Variants in SUFU observed in about 807,000 individuals in gnomAD.
SUFU encodes the protein suppressor of fused homolog.
In SUFU, 7 loss-of-function variants were observed where a neutral mutation model predicts 58.9. The observed-to-expected ratio is 0.12, with a 90% CI of 0.07 to 0.22. The LOEUF is 0.22. Ranked by LOEUF, SUFU falls within the 10% of genes least tolerant of loss-of-function variation. The pLI, the probability that SUFU is intolerant of heterozygous loss-of-function variation, is 1.00. For synonymous variants in SUFU, 232 were observed against 254.8 expected, an observed-to-expected ratio of 0.91 and a Z score of 0.85; for missense variants, 451 against 641.3, an observed-to-expected ratio of 0.70 and a Z score of 3.20.
rs767998988 is a variant in SUFU, at chr10:102,510,690, G to A, written c.317+1387G>A. On this transcript the variant is annotated intron_variant, in intron 2 of 11. Transcript: ENST00000369902. ...TACAAAAAATTAGCCAGGCATGGTA[G>A]CATGTGCCTGTACTCCCAACTACCC... is the stretch of plus-strand genomic sequence containing the variant. Among the ~76,000 whole-genome samples, 77 of 152,148 alleles carry A rather than the reference G, an allele frequency of 5.1e-4. 2 individuals are homozygous for A. The highest frequency in any genetic ancestry group is 3.8e-4 in the Non-Finnish European group (26 of 67,992).
At chr10:102,524,244 G>A (rs974576397) in intron 2 of SUFU, among the ~76,000 whole-genome samples, 11 of 151,588 alleles carry the variant, frequency 7.3e-5, no homozygotes, top group South Asian at 4.2e-4. Context: ...GGACTCAAGC[G>A]ATCCTTCTGT....
intron 2 of SUFU, among the ~76,000 whole-genome samples, chr10:102,543,465 G>A (rs1015790605): frequency 9.2e-5 from 14 of 152,166 alleles, no homozygotes; most frequent in Admixed American, 9.2e-4. Context: ...CATTTAAAAT[G>A]TACGCTTTCA....
Position 102,592,605 on chromosome 10 carries a change from C to G in SUFU, c.478C>G (p.His160Asp). The change falls in exon 4 of 12, where the codon CAT becomes GAT. Residue 160 changes from histidine (H) to aspartate (D), a missense_variant. Physicochemically the swap from His to Asp is moderately conservative, Grantham distance 81 (BLOSUM62 -1). Coordinates refer to ENST00000369902, the MANE Select transcript of SUFU (RefSeq NM_016169.4). ...QSENTFCSGD[H>D]VSWHSPLDNS... is the part of the protein sequence containing the mutation. The stretch of plus-strand genomic sequence containing the variant: ...AGAGAACACCTTCTGCAGTGGGGAC[C>G]ATGTGTCCTGGCACAGCCCTTTGGA... The G allele has an allele frequency of 6.2e-7, 1 of 1,614,152 alleles. No homozygotes were observed. The highest frequency in any genetic ancestry group is 8.5e-7 in the Non-Finnish European group (1 of 1,180,028).
intron 8 of SUFU, among the ~76,000 whole-genome samples, chr10:102,604,119 A>G (rs967907144): frequency 1.3e-5 from 2 of 152,002 alleles, no homozygotes; most frequent in African/African-American, 4.8e-5. Flanking sequence ...CTTCCCTCAC[A>G]CTCCCACGCT....
At position 102,607,882 on chromosome 10, in the gene SUFU, G is replaced by A. The variant is rs1002105455; in HGVS notation, c.1023-7386G>A. Among the ~76,000 whole-genome samples, 6 of 151,766 alleles carry A rather than the reference G, an allele frequency of 4.0e-5. No individual in the cohort carries two copies. The East Asian group carries it at 1.2e-3, about 29-fold the overall frequency. On this transcript the variant is annotated intron_variant, in intron 8 of 11. Coordinates refer to ENST00000369902, the MANE Select transcript of SUFU (RefSeq NM_016169.4). Reference sequence around the variant, plus strand: ...GCCGAGATCTTGCCACTGCACTCCAGCCTGGGCGACAGAGCAAGATTCCAT... The same window carrying A: ...GCCGAGATCTTGCCACTGCACTCCAACCTGGGCGACAGAGCAAGATTCCAT...
intron 3 of SUFU, among the ~76,000 whole-genome samples, chr10:102,570,854 T>C (rs1005482019): frequency 6.6e-6 from 1 of 152,204 alleles, no homozygotes; most frequent in African/African-American, 2.4e-5. Context: ...CCTTCTGTCT[T>C]CATTTCTTTT....
intron 3 of SUFU, among the ~76,000 whole-genome samples, chr10:102,577,003 A>G (rs2063218254): frequency 6.6e-6 from 1 of 151,942 alleles, no homozygotes. Context: ...ACCCAGTCTA[A>G]ATGGGTTTTC....
At chr10:102,574,163 G>A (rs1476225601) in intron 3 of SUFU, among the ~76,000 whole-genome samples, 1 of 152,104 alleles carries the variant, frequency 6.6e-6, no homozygotes, top group Non-Finnish European at 1.5e-5. Flanking sequence ...GGGGACCATG[G>A]GGGCACCTTA....
chr10:102,563,662 C>T (rs2063060934), intron 3 of SUFU, among the ~76,000 whole-genome samples: 1 of 151,664 alleles, frequency 6.6e-6, no homozygotes, highest in Admixed American at 6.6e-5. Flanking sequence ...TGCCACTGCA[C>T]TCCAGCCTAG....
intron 3 of SUFU, among the ~76,000 whole-genome samples, chr10:102,586,822 C>G (rs2063340224): frequency 6.6e-6 from 1 of 152,144 alleles, no homozygotes; most frequent in African/African-American, 2.4e-5. Flanking sequence ...TTCATCTTCC[C>G]CAACTTAAAC....
chr10:102,550,235 A>T, intron 3 of SUFU, 129 bp downstream of exon 3: 1 of 1,429,408 alleles, frequency 7.0e-7, no homozygotes, highest in Non-Finnish European at 9.5e-7. Context: ...CAATTCTACC[A>T]TGAGGATGGC....
At chr10:102,577,645 G>A (rs113583473) in intron 3 of SUFU, among the ~76,000 whole-genome samples, 5 of 149,802 alleles carry the variant, frequency 3.3e-5, no homozygotes, top group African/African-American at 1.2e-4. Flanking sequence ...AGCCCTCCTG[G>A]CATTCTTTGG....
intron 2 of SUFU, among the ~76,000 whole-genome samples, chr10:102,513,671 G>GT (rs1252562243): frequency 6.6e-6 from 1 of 152,202 alleles, no homozygotes; most frequent in Non-Finnish European, 1.5e-5. Context: ...AGGAGGTAGC[G>GT]TTTGAGAGGA....
chr10:102,559,083 A>G (rs1198227326), intron 3 of SUFU, among the ~76,000 whole-genome samples: 1 of 152,200 alleles, frequency 6.6e-6, no homozygotes, highest in African/African-American at 2.4e-5. Context: ...GTTTCCTCAT[A>G]TTCCAGAGAT....
At chr10:102,599,677 G>A in intron 8 of SUFU, 133 bp downstream of exon 8, 2 of 806,994 alleles carry the variant, frequency 2.5e-6, no homozygotes, top group South Asian at 2.9e-5. Flanking sequence ...TAGGCTTAAG[G>A]GCAGGCATGG....
chr10:102,504,101 T>A lies in SUFU; in HGVS notation c.-52T>A, dbSNP rs1262881383. On this transcript the variant is annotated 5_prime_UTR_variant, in exon 1 of 12. Coordinates refer to ENST00000369902, the MANE Select transcript of SUFU (RefSeq NM_016169.4). ...TCCGCCCGCTGGCCCGTCAGTGCTC[T>A]CCCCGTCGTTTGCCCTCTCCAGTTC... The A allele has an allele frequency of 4.6e-6, 7 of 1,510,206 alleles. No individual in the cohort carries two copies. The Admixed American group carries it at 1.5e-4, about 32-fold the overall frequency. The allele number at this position is 1,510,206 out of a possible 1,614,324, so 93.6% of individuals were successfully genotyped here.
chr10:102,529,976 G>A (rs2062658214), intron 2 of SUFU, among the ~76,000 whole-genome samples: 1 of 151,730 alleles, frequency 6.6e-6, no homozygotes. Context: ...AAGGAAAGTT[G>A]CACACTAACT....
intron 8 of SUFU, among the ~76,000 whole-genome samples, chr10:102,614,614 G>A (rs1287448173): frequency 1.3e-5 from 2 of 150,180 alleles, no homozygotes; most frequent in East Asian, 4.0e-4. Flanking sequence ...AGTGGCTCAC[G>A]CCTATAATCC....
In SUFU at chr10:102,503,978, G is replaced by T. The variant is rs553884422; in HGVS notation, c.-175G>T. 5 of 925,528 alleles carry T rather than the reference G, an allele frequency of 5.4e-6. No individual in the cohort carries two copies. The highest frequency in any genetic ancestry group is 6.4e-5 in the East Asian group (2 of 31,012). The allele number at this position is 925,528 out of a possible 1,614,324, so 57.3% of individuals were successfully genotyped here. The stretch of plus-strand genomic sequence containing the variant: ...CCCCGAGGCACCCTCTGGCAGACTC[G>T]GCGGCGGCGACAGCCTGGGCGGACA... On this transcript the variant is annotated 5_prime_UTR_variant, in exon 1 of 12. Transcript: ENST00000369902.
Sources: allele counts gnomAD v4.1 joint callset (sites outside exome capture counted in the v4.1 genomes callset), GRCh38; gene constraint gnomAD v4.1.1; transcripts MANE v1.5; gene names NCBI Gene and HGNC (gene_info 2026-07-23, HGNC 2026-07-21).